ANXA4: variants seen among roughly 807,000 people sequenced by gnomAD.
ANXA4 encodes 35-beta calcimedin.
Under a neutral mutation model 49.8 loss-of-function variants are expected in ANXA4, and 39 were observed. The observed-to-expected ratio is 0.78, with a 90% confidence interval of 0.61 to 1.02. The LOEUF (loss-of-function observed/expected upper bound fraction) is 1.02, where lower values mean the gene tolerates loss of function less well. Among genes scored for constraint, ANXA4 ranks in the 50% least tolerant of loss-of-function variants. ANXA4 has a pLI of 0.00. For missense variants in ANXA4, 360 were observed against 410.1 expected (o/e 0.88, Z 1.05); for synonymous variants, 134 against 152.5 (o/e 0.88, Z 0.89).
intron 2 of ANXA4, among the ~76,000 whole-genome samples, chr2:69,661,881 C>G (rs1248292094): frequency 6.6e-6 from 1 of 152,136 alleles, no homozygotes; most frequent in African/African-American, 2.4e-5. Context: ...TGTCCCTCTT[C>G]CACGAGGGTG....
chr2:69,740,513 G>T (rs375134877), upstream of ANXA4, among the ~76,000 whole-genome samples: 2 of 152,046 alleles, frequency 1.3e-5, no homozygotes, highest in African/African-American at 4.8e-5. Flanking sequence ...GAGTGCAGTG[G>T]TGCAGTCATA....
chr2:69,782,520 G>A (rs867368688), intron 2 of ANXA4, among the ~76,000 whole-genome samples: 19 of 152,010 alleles, frequency 1.2e-4, no homozygotes, highest in South Asian at 8.3e-4. Context: ...AAATATTTAC[G>A]TATTTTTATT....
intron 1 of ANXA4, among the ~76,000 whole-genome samples, chr2:69,768,027 G>C (rs1671565354): frequency 6.6e-6 from 1 of 151,666 alleles, no homozygotes; most frequent in African/African-American, 2.4e-5. Flanking sequence ...ATACTATATA[G>C]TATATGCGAG....
At chr2:69,801,652 C>G (rs534934831) in intron 3 of ANXA4, among the ~76,000 whole-genome samples, 47 of 152,192 alleles carry the variant, frequency 3.1e-4, no homozygotes, top group African/African-American at 1.1e-3. Flanking sequence ...GATCCACCCA[C>G]CCCAGCCTCC....
upstream of ANXA4, chr2:69,644,093 T>C (rs1234040414): frequency 6.3e-6 from 1 of 159,730 alleles, no homozygotes; most frequent in Admixed American, 6.8e-5. Context: ...CGAAGGAGAT[T>C]TGTGGGGTGG....
intron 2 of ANXA4, among the ~76,000 whole-genome samples, chr2:69,688,840 A>G (rs1677874087): frequency 6.6e-6 from 1 of 152,154 alleles, no homozygotes; most frequent in Non-Finnish European, 1.5e-5. Flanking sequence ...TACATTCCAC[A>G]TTCAACTCAT....
intron 2 of ANXA4, among the ~76,000 whole-genome samples, chr2:69,676,488 T>G (rs969930172): frequency 2.0e-5 from 3 of 152,244 alleles, no homozygotes; most frequent in African/African-American, 7.2e-5. Context: ...TGTATTTGAA[T>G]TTGCTTTTAA....
At chr2:69,643,817 G>T, upstream of ANXA4, 1 of 1,183,934 alleles carries the variant, frequency 8.4e-7, no homozygotes, top group East Asian at 3.7e-5. Flanking sequence ...CGCCGGAAGT[G>T]CCCCTCGGGG....
chr2:69,763,089 C>T (rs372798290), intron 1 of ANXA4, among the ~76,000 whole-genome samples: 11 of 152,146 alleles, frequency 7.2e-5, no homozygotes, highest in African/African-American at 1.4e-4. Context: ...AAGTTCCTCA[C>T]GTGAATCAGA....
intron 9 of ANXA4, chr2:69,817,074 C>A (rs1323996214): frequency 1.3e-5 from 2 of 152,224 alleles, no homozygotes; most frequent in Non-Finnish European, 2.9e-5. Context: ...AAACTTCTGA[C>A]TCAGCTTCTT....
At chr2:69,820,676 T>C in intron 11 of ANXA4, 23 bp from the exon 12 acceptor site, 1 of 1,612,712 alleles carries the variant, frequency 6.2e-7, no homozygotes. Flanking sequence ...TTGTATATGT[T>C]TGGATTTCGT....
At chr2:69,692,212 CAGA>C (rs1325201873) in intron 2 of ANXA4, among the ~76,000 whole-genome samples, 1 of 152,170 alleles carries the variant, frequency 6.6e-6, no homozygotes, top group Non-Finnish European at 1.5e-5. Context: ...AAGAAAATTT[CAGA>C]AGATTGCCTC....
intron 2 of ANXA4, among the ~76,000 whole-genome samples, chr2:69,675,640 A>G (rs1305303503): frequency 6.6e-6 from 1 of 152,182 alleles, no homozygotes; most frequent in Non-Finnish European, 1.5e-5. Context: ...GACAGTTTCC[A>G]GGGGCTGCGG....
chr2:69,711,036 A>G (rs72901453), intron 2 of ANXA4, among the ~76,000 whole-genome samples: 253 of 152,322 alleles, frequency 1.7e-3, no homozygotes, highest in African/African-American at 6.0e-3. Flanking sequence ...TTAATTAATA[A>G]TAGCCCAAAC....
At chr2:69,725,757 GCCTCTGTTTTGTATTTT>G (rs1393801824) in intron 3 of ANXA4, among the ~76,000 whole-genome samples, 1 of 152,152 alleles carries the variant, frequency 6.6e-6, no homozygotes, top group Non-Finnish European at 1.5e-5. Context: ...ATCACTCACA[GCCTCTGTTTTGTATTTT>G]CCTAGAAAAA....
chr2:69,777,751 G>A (rs560157525), intron 1 of ANXA4, among the ~76,000 whole-genome samples: 33 of 152,252 alleles, frequency 2.2e-4, no homozygotes, highest in African/African-American at 4.3e-4. Context: ...AATTTTGAAC[G>A]GCTAGCCCCT....
intron 2 of ANXA4, among the ~76,000 whole-genome samples, chr2:69,698,443 T>C (rs1020316022): frequency 3.3e-5 from 5 of 152,106 alleles, no homozygotes; most frequent in Non-Finnish European, 7.3e-5. Flanking sequence ...TCCCCCGACA[T>C]CTCCCTGTTG....
intron 2 of ANXA4, among the ~76,000 whole-genome samples, chr2:69,708,336 C>G (rs1346002667): frequency 6.6e-6 from 1 of 152,172 alleles, no homozygotes; most frequent in Admixed American, 6.5e-5. Context: ...TCTCTACGGA[C>G]ACGACTAGCC....
rs373600203 is a variant in ANXA4, at chr2:69,773,310, CT to C, written c.-46-8206del. ...GGAATGTTCATATTAAAGCTTGCCT[CT>C]TTTGGAGAGGTGTCCCCCTTCCCTG... On this transcript the variant is annotated intron_variant, in intron 1 of 12. Transcript: ENST00000394295. Among the ~76,000 whole-genome samples the C allele has an allele frequency of 5.1e-4, 77 of 152,286 alleles. 1 individual carries two copies. The East Asian group carries it at 0.014, about 27-fold the overall frequency.
Sources: gnomAD v4.1 joint callset for allele counts (sites outside exome capture counted in the v4.1 genomes callset) on GRCh38, gnomAD v4.1.1 for gene constraint, MANE v1.5 for transcripts, NCBI Gene and HGNC (gene_info 2026-07-23, HGNC 2026-07-21) for gene names.